Variants in INAVA observed in about 807,000 individuals in gnomAD.
INAVA encodes the protein innate immunity activator.
In INAVA, 32 loss-of-function variants were observed where a neutral mutation model predicts 55.3. The observed-to-expected ratio is 0.58, with a 90% CI of 0.44 to 0.78. The LOEUF is 0.78. Among genes scored for constraint, INAVA ranks in the 30% least tolerant of loss-of-function variants. The pLI is 0.00. For synonymous variants in INAVA, 294 were observed against 329.4 expected, an observed-to-expected ratio of 0.89 and a Z score of 1.16; for missense variants, 756 against 786.4, an observed-to-expected ratio of 0.96 and a Z score of 0.46.
In INAVA at chr1:200,912,092, C is replaced by G; in HGVS notation, c.1599C>G (p.Pro533=). Residue 533 remains proline, a synonymous_variant, in exon 9 of 10, where the codon CCC becomes CCG. Coordinates refer to ENST00000413687, the MANE Select transcript of INAVA (RefSeq NM_001142569.3). ...RQGAFRVRSL[P]LGREGFGRAL... Reference sequence around the variant, plus strand: ...GAGCTTTCCGGGTCAGGAGCCTGCCCCTTGGGAGAGAGGGCTTCGGACGAG... The same window carrying G: ...GAGCTTTCCGGGTCAGGAGCCTGCCGCTTGGGAGAGAGGGCTTCGGACGAG... The G allele has an allele frequency of 1.3e-6, 2 of 1,549,296 alleles. No homozygotes were observed. Among genetic ancestry groups the G allele is most frequent in the Non-Finnish European group, 1.7e-6 (2 of 1,146,684 alleles).
chr1:200,913,733 A>G lies in INAVA; in HGVS notation c.*104A>G. 1.1e-6 allele frequency: 1 copy of G among 877,990 alleles called. No homozygotes were observed. The highest frequency in any genetic ancestry group is 1.8e-6 in the Non-Finnish European group (1 of 556,342). 54.4% of individuals were successfully genotyped at this position (877,990 alleles called of 1,614,324 possible). A position where few individuals can be genotyped will look rare whatever the true frequency, so the allele number is the denominator to read the frequency against. On this transcript the variant is annotated 3_prime_UTR_variant, in exon 10 of 10. Coordinates refer to ENST00000413687, the MANE Select transcript of INAVA (RefSeq NM_001142569.3). ...GCTCCCCCATCCCCATCGCAGGCCG[A>G]TGACCTGGAGCTGAGACCTTTTATT...
intron 5 of INAVA, among the ~76,000 whole-genome samples, chr1:200,907,117 G>A (rs1432212031): frequency 2.0e-5 from 3 of 151,986 alleles, no homozygotes; most frequent in East Asian, 1.9e-4. Flanking sequence ...GAACCACCGC[G>A]CCTGGCCATG....
intron 1 of INAVA, among the ~76,000 whole-genome samples, chr1:200,897,023 G>A (rs115600509): frequency 0.013 from 1,953 of 152,290 alleles, 25 homozygotes; most frequent in Non-Finnish European, 0.022. Context: ...CCCTGCTGCA[G>A]CCAGCAGCTG....
rs578013012 is a variant in INAVA at position 200,909,293 on chromosome 1, C to T, written c.855C>T (p.Tyr285=). Residue 285 remains tyrosine (Y), a synonymous_variant, in exon 8 of 10, where the codon TAC becomes TAT. Transcript: ENST00000413687. ...TGTGGCTTCTGGAGCCTGCCTCCTACCACGTGGTTCCCATCCGTGGTGTTC... is the reference window on the plus strand; with the variant it reads ...TGTGGCTTCTGGAGCCTGCCTCCTATCACGTGGTTCCCATCCGTGGTGTTC... ...SSLWLLEPAS[Y]HVVPIRGVPG... The T allele has an allele frequency of 1.6e-5, 25 of 1,612,096 alleles. No individual in the cohort carries two copies. In the South Asian group the frequency reaches 2.2e-4, roughly 14 times the overall value.
chr1:200,900,308 T>G, intron 4 of INAVA, 88 bp downstream of exon 4: 1 of 1,194,866 alleles, frequency 8.4e-7, no homozygotes, highest in Non-Finnish European at 1.2e-6. Flanking sequence ...CCCTGGCAGG[T>G]TCCCTTCCAC....
Position 200,909,272 on chromosome 1 carries a change from G to C in INAVA, c.834G>C (p.Trp278Cys). ...ATGGGCCCAGTGCCTCCAGCCTGTG[G>C]CTTCTGGAGCCTGCCTCCTACCACG... Reference protein sequence around the residue: ...PQDGPSASSLWLLEPASYHVV... With the variant: ...PQDGPSASSLCLLEPASYHVV... The change falls in exon 8 of 10, where the codon TGG becomes TGC. Residue 278 changes from tryptophan (W) to cysteine (C), a missense_variant. Physicochemically the swap from Trp to Cys is radical, Grantham distance 215 (BLOSUM62 -2). Coordinates refer to ENST00000413687, the MANE Select transcript of INAVA (RefSeq NM_001142569.3). 4.4e-6 allele frequency: 7 copies of C among 1,609,014 alleles called. No homozygotes were observed. Among genetic ancestry groups the C allele is most frequent in the Non-Finnish European group, 5.9e-6 (7 of 1,176,944 alleles).
upstream of INAVA, among the ~76,000 whole-genome samples, chr1:200,893,894 T>C (rs1324921151): frequency 2.7e-5 from 4 of 147,456 alleles, no homozygotes; most frequent in Non-Finnish European, 6.0e-5. Context: ...GGGGAAGCAA[T>C]CCAGACATGT....
chr1:200,897,044 G>A (rs1668368613), intron 1 of INAVA, among the ~76,000 whole-genome samples: 1 of 152,232 alleles, frequency 6.6e-6, no homozygotes, highest in Admixed American at 6.5e-5. Flanking sequence ...CCAGGCCCTG[G>A]CCAGCTGGGA....
chr1:200,907,814 C>A lies in INAVA; in HGVS notation c.521-20C>A. 1 of 1,604,958 alleles carries A rather than the reference C, an allele frequency of 6.2e-7. No individual in the cohort carries two copies. The highest frequency in any genetic ancestry group is 1.1e-5 in the South Asian group (1 of 90,868). On this transcript the variant is annotated intron_variant, in intron 5 of 9. Transcript: ENST00000413687. ...TCATTTCTTCACTTCCTTCTCTTCTCTCCCCTTTGTCTTTCGCAGAGCTCA... is the reference window on the plus strand; with the variant it reads ...TCATTTCTTCACTTCCTTCTCTTCTATCCCCTTTGTCTTTCGCAGAGCTCA...
upstream of INAVA, among the ~76,000 whole-genome samples, chr1:200,893,563 C>T (rs546146621): frequency 3.0e-3 from 453 of 152,282 alleles, 6 homozygotes; most frequent in South Asian, 7.5e-3. Context: ...GCTGCAGGCT[C>T]TTTGGGAGAC....
chr1:200,907,690 A>G lies in INAVA; in HGVS notation c.521-144A>G, dbSNP rs1187346523. On this transcript the variant is annotated intron_variant, in intron 5 of 9. Coordinates refer to ENST00000413687, the MANE Select transcript of INAVA (RefSeq NM_001142569.3). ...AAAAAAAAAATCACTCCCAATGTGT[A>G]TTTAGCACACAGAGGGTATTTCCTC... The G allele has an allele frequency of 1.1e-5, 6 of 569,642 alleles. No individual in the cohort carries two copies. In the East Asian group the frequency reaches 1.4e-4, roughly 14 times the overall value. The allele number at this position is 569,642 out of a possible 1,614,324, so 35.3% of individuals were successfully genotyped here.
At chr1:200,910,346 A>G (rs928441784) in intron 8 of INAVA, among the ~76,000 whole-genome samples, 1 of 152,198 alleles carries the variant, frequency 6.6e-6, no homozygotes, top group African/African-American at 2.4e-5. Flanking sequence ...AAAATTACAA[A>G]TACTGAATCT....
At chr1:200,908,295 A>G (rs547209020) in intron 6 of INAVA, 16 of 208,184 alleles carry the variant, frequency 7.7e-5, no homozygotes, top group African/African-American at 3.0e-4. Flanking sequence ...AACCCTGTGT[A>G]CAAACCATGA....
chr1:200,906,259 CT>C (rs1653484574), intron 5 of INAVA: 3 of 152,218 alleles, frequency 2.0e-5, no homozygotes, highest in Admixed American at 2.0e-4. Flanking sequence ...TGGCTCACGC[CT>C]GTGATCCCAG....
chr1:200,899,715 A>AGGCTGGG, intron 3 of INAVA, 118 bp downstream of exon 3: 1 of 1,445,252 alleles, frequency 6.9e-7, no homozygotes, highest in Non-Finnish European at 9.3e-7. Context: ...TCTGGACATC[A>AGGCTGGG]GGCTGGGGGC....
At chr1:200,905,273 T>C (rs1408950971) in intron 5 of INAVA, among the ~76,000 whole-genome samples, 6 of 152,160 alleles carry the variant, frequency 3.9e-5, no homozygotes, top group Non-Finnish European at 7.4e-5. Flanking sequence ...AGGCTGAGCA[T>C]GTTGGCTCAA....
At chr1:200,896,906 T>A (rs1044109303) in intron 1 of INAVA, among the ~76,000 whole-genome samples, 1 of 152,188 alleles carries the variant, frequency 6.6e-6, no homozygotes, top group African/African-American at 2.4e-5. Flanking sequence ...AGACAGAAAC[T>A]CGGAAGGACT....
At chr1:200,891,787 G>A, upstream of INAVA, 1 of 1,017,150 alleles carries the variant, frequency 9.8e-7, no homozygotes, top group Non-Finnish European at 1.4e-6. Context: ...CAGCCTTAGC[G>A]GAGGGTGCCC....
intron 2 of INAVA, among the ~76,000 whole-genome samples, chr1:200,899,006 G>A (rs1266633198): frequency 3.3e-5 from 5 of 152,240 alleles, no homozygotes; most frequent in Non-Finnish European, 7.3e-5. Flanking sequence ...TGGCCAATGT[G>A]AAGGTCTTGC....
Sources: gnomAD v4.1 joint callset for allele counts (sites outside exome capture counted in the v4.1 genomes callset) on GRCh38, gnomAD v4.1.1 for gene constraint, MANE v1.5 for transcripts, NCBI Gene and HGNC (gene_info 2026-07-23, HGNC 2026-07-21) for gene names.